Variants in DLGAP4 observed in about 807,000 individuals in gnomAD.
DLGAP4 encodes the protein disks large-associated protein 4.
A neutral mutation model predicts 86.9 loss-of-function variants in DLGAP4; 18 were observed. That is an observed-to-expected ratio of 0.21 (90% CI 0.14 to 0.31). DLGAP4 has a LOEUF of 0.31. Ranked by LOEUF, DLGAP4 falls within the 10% of genes least tolerant of loss-of-function variation. DLGAP4 has a pLI of 1.00. For synonymous variants in DLGAP4, 548 were observed against 574.3 expected (o/e 0.95, Z 0.65); for missense variants, 1,085 against 1,362.6 (o/e 0.80, Z 3.21).
At chr20:36,396,157 C>G (rs2031941335) in intron 2 of DLGAP4, among the ~76,000 whole-genome samples, 1 of 152,002 alleles carries the variant, frequency 6.6e-6, no homozygotes, top group Non-Finnish European at 1.5e-5. Context: ...AAGGTCTAGT[C>G]CGAGGTTGAC....
chr20:36,504,430 G>C (rs2036275447), intron 10 of DLGAP4, among the ~76,000 whole-genome samples: 1 of 152,098 alleles, frequency 6.6e-6, no homozygotes, highest in South Asian at 2.1e-4. Context: ...CTGGGCACTT[G>C]GGTTGTTTCC....
chr20:36,427,148 A>C (rs1214530530), intron 2 of DLGAP4, among the ~76,000 whole-genome samples: 4 of 151,822 alleles, frequency 2.6e-5, no homozygotes, highest in African/African-American at 9.7e-5. Context: ...ACACCACTGC[A>C]CTCCAGCCTC....
chr20:36,417,841 G>A (rs150266206), intron 2 of DLGAP4, among the ~76,000 whole-genome samples: 7,143 of 151,968 alleles, frequency 0.047, 546 homozygotes, highest in African/African-American at 0.16. Context: ...TTGGAATGCA[G>A]TGGCACAATC....
At chr20:36,516,882 A>G (rs538210444) in intron 10 of DLGAP4, among the ~76,000 whole-genome samples, 475 of 151,754 alleles carry the variant, frequency 3.1e-3, no homozygotes, top group Non-Finnish European at 5.2e-3. Flanking sequence ...CTTGATCCCA[A>G]AAGTTCAAGA....
intron 1 of DLGAP4, among the ~76,000 whole-genome samples, chr20:36,349,349 C>T (rs1555893281): frequency 4.8e-5 from 7 of 146,018 alleles, no homozygotes. Context: ...ACCCGGGAGG[C>T]GGAGCTTGCA....
chr20:36,525,216 C>CAAAAAAAAAAAAAAAAAAAAAAAAAAA (rs1159616185), intron 11 of DLGAP4, among the ~76,000 whole-genome samples: 2 of 28,506 alleles, frequency 7.0e-5, no homozygotes, highest in Non-Finnish European at 1.5e-4. Flanking sequence ...GACTCCGTCT[C>CAAAAAAAAAAAAAAAAAAAAAAAAAAA]AAAAAAAAAA....
chr20:36,345,659 G>T (rs2029914240), intron 1 of DLGAP4, among the ~76,000 whole-genome samples: 1 of 152,166 alleles, frequency 6.6e-6, no homozygotes, highest in Non-Finnish European at 1.5e-5. Flanking sequence ...GTTAGTGGGT[G>T]CCCAGGACGT....
intron 7 of DLGAP4, among the ~76,000 whole-genome samples, chr20:36,467,021 T>TC (rs2034417170): frequency 3.8e-4 from 5 of 13,322 alleles, no homozygotes; most frequent in Non-Finnish European, 5.6e-4. Context: ...CTCTCTCCTC[T>TC]CTCTCTCTCT....
At chr20:36,413,456 C>T (rs1282490076) in intron 2 of DLGAP4, among the ~76,000 whole-genome samples, 12 of 115,126 alleles carry the variant, frequency 1.0e-4, no homozygotes, top group African/African-American at 2.1e-4. Context: ...CTCACTCTGT[C>T]GCCCAGGCTG....
chr20:36,470,978 G>T (rs1203964102), intron 7 of DLGAP4, among the ~76,000 whole-genome samples: 1 of 152,166 alleles, frequency 6.6e-6, no homozygotes, highest in Non-Finnish European at 1.5e-5. Flanking sequence ...ATGTGTAGCT[G>T]TCGGAGCCAT....
chr20:36,387,545 G>A (rs2031640944), intron 2 of DLGAP4, among the ~76,000 whole-genome samples: 1 of 151,932 alleles, frequency 6.6e-6, no homozygotes, highest in Non-Finnish European at 1.5e-5. Context: ...TTATTTCTTT[G>A]CAACTTCTTT....
intron 2 of DLGAP4, among the ~76,000 whole-genome samples, chr20:36,427,638 T>C (rs561483940): frequency 1.3e-5 from 2 of 149,936 alleles, no homozygotes; most frequent in African/African-American, 5.0e-5. Context: ...TTCTCCTCAG[T>C]TTTTTTTTAA....
intron 3 of DLGAP4, among the ~76,000 whole-genome samples, chr20:36,434,555 T>TTGGGTGACAGGAGGTGAG (rs2033218897): frequency 6.6e-6 from 1 of 152,122 alleles, no homozygotes; most frequent in Non-Finnish European, 1.5e-5. Context: ...TGCTGCCTGC[T>TTGGGTGACAGGAGGTGAG]TGGGTGACAG....
At chr20:36,333,507 G>A (rs185264509) in intron 1 of DLGAP4, among the ~76,000 whole-genome samples, 5 of 152,176 alleles carry the variant, frequency 3.3e-5, no homozygotes, top group Admixed American at 3.3e-4. Flanking sequence ...TGACTCCCTG[G>A]GTGGTCATGG....
chr20:36,396,274 C>A lies in DLGAP4; in HGVS notation c.-73+28999C>A, dbSNP rs142339031. ...TGAGACCTCTTCCAGATCTGGTGTTCCCACATCTAAGAGGATGATCATCCC... is the reference window on the plus strand; with the variant it reads ...TGAGACCTCTTCCAGATCTGGTGTTACCACATCTAAGAGGATGATCATCCC... On this transcript the variant is annotated intron_variant, in intron 2 of 12. Coordinates refer to ENST00000339266, the MANE Select transcript of DLGAP4 (RefSeq NM_001365621.2). Among the ~76,000 whole-genome samples the A allele has an allele frequency of 1.8e-3, 159 of 88,342 alleles. 2 individuals are homozygous for A. Among genetic ancestry groups the A allele is most frequent in the Middle Eastern group, 0.014 (3 of 214 alleles). The allele number at this position is 88,342 out of a possible 152,430, so 58.0% of individuals were successfully genotyped here.
rs182796595 is a variant in DLGAP4, at chr20:36,380,062, A to T, written c.-73+12787A>T. Among the ~76,000 whole-genome samples the T allele has an allele frequency of 2.1e-4, 32 of 152,022 alleles. No individual in the cohort carries two copies. The South Asian group carries it at 3.7e-3, about 18-fold the overall frequency. On this transcript the variant is annotated intron_variant, in intron 2 of 12. Transcript: ENST00000339266. The stretch of plus-strand genomic sequence containing the variant: ...GCCAAGCATGGTGGCAGGCACCTCT[A>T]GTTTCACCTGCTCAGGGGACTGTGG...
At chr20:36,461,544 C>T in intron 7 of DLGAP4, 2 of 977,196 alleles carry the variant, frequency 2.0e-6, no homozygotes. Context: ...GCCGCCGCCG[C>T]CAGTCCGTCC....
At chr20:36,493,966 G>A (rs904699795) in intron 7 of DLGAP4, among the ~76,000 whole-genome samples, 12 of 152,200 alleles carry the variant, frequency 7.9e-5, no homozygotes, top group East Asian at 1.9e-4. Flanking sequence ...CTGAGCAGGC[G>A]TGTCCCTCCT....
At chr20:36,418,991 C>T (rs1464849720) in intron 2 of DLGAP4, among the ~76,000 whole-genome samples, 1 of 152,132 alleles carries the variant, frequency 6.6e-6, no homozygotes, top group Non-Finnish European at 1.5e-5. Flanking sequence ...GATGTGGGCT[C>T]AAGGATCAGG....
Sources: allele counts gnomAD v4.1 joint callset (sites outside exome capture counted in the v4.1 genomes callset), GRCh38; gene constraint gnomAD v4.1.1; transcripts MANE v1.5; gene names NCBI Gene and HGNC (gene_info 2026-07-23, HGNC 2026-07-21).